CREB5: variants seen among roughly 807,000 people sequenced by gnomAD.
The protein encoded by CREB5 is cAMP responsive element binding protein 5.
In CREB5, 19 loss-of-function variants were observed where a neutral mutation model predicts 57.1. That is an observed-to-expected ratio of 0.33 (90% confidence interval 0.23 to 0.49). The LOEUF is 0.49. CREB5 is among the 20% of genes least tolerant of loss of function. The pLI, the probability that CREB5 is intolerant of heterozygous loss-of-function variation, is 0.99. For missense variants in CREB5, 579 were observed against 671.6 expected, an observed-to-expected ratio of 0.86 and a Z score of 1.52; for synonymous variants, 238 against 238.3, an observed-to-expected ratio of 1.00 and a Z score of 0.01.
intron 4 of CREB5, among the ~76,000 whole-genome samples, chr7:28,532,424 C>A (rs1793769345): frequency 6.6e-6 from 1 of 152,188 alleles, no homozygotes; most frequent in Non-Finnish European, 1.5e-5. Context: ...ATTTGTTATG[C>A]AGCAGCTGCA....
intron 1 of CREB5, among the ~76,000 whole-genome samples, chr7:28,384,356 T>C (rs1787034833): frequency 6.6e-6 from 1 of 152,182 alleles, no homozygotes; most frequent in African/African-American, 2.4e-5. Context: ...CAACTGTCTT[T>C]TGAATAGTGT....
At chr7:28,719,020 A>T in intron 6 of CREB5, 141 bp downstream of exon 6, 2 of 1,380,628 alleles carry the variant, frequency 1.4e-6, no homozygotes, top group African/African-American at 1.4e-5. Flanking sequence ...GCTGTGTGCA[A>T]TTTTGCTTTG....
chr7:28,762,387 G>A (rs565089109), intron 7 of CREB5, among the ~76,000 whole-genome samples: 10 of 152,246 alleles, frequency 6.6e-5, no homozygotes, highest in African/African-American at 2.2e-4. Context: ...TGGTGGTTTG[G>A]ATTTTCCAGC....
At chr7:28,710,871 G>A (rs1215947551) in intron 5 of CREB5, among the ~76,000 whole-genome samples, 2 of 152,256 alleles carry the variant, frequency 1.3e-5, no homozygotes, top group East Asian at 1.9e-4. Flanking sequence ...ATTGAATAGC[G>A]ATAAATGTTC....
At chr7:28,504,497 C>T (rs773510410) in intron 3 of CREB5, among the ~76,000 whole-genome samples, 39 of 152,280 alleles carry the variant, frequency 2.6e-4, no homozygotes, top group East Asian at 1.7e-3. Flanking sequence ...AAAGCCAAGA[C>T]GATTGTTTCA....
intron 1 of CREB5, among the ~76,000 whole-genome samples, chr7:28,307,518 A>C (rs1785211228): frequency 6.6e-6 from 1 of 152,172 alleles, no homozygotes; most frequent in Non-Finnish European, 1.5e-5. Flanking sequence ...ATAAGAAATA[A>C]ATTTCTGTTC....
chr7:28,463,154 C>G (rs1256821107), intron 1 of CREB5, among the ~76,000 whole-genome samples: 1 of 151,826 alleles, frequency 6.6e-6, no homozygotes, highest in Non-Finnish European at 1.5e-5. Flanking sequence ...TATGGGTACC[C>G]AGTTGTCTCG....
At chr7:28,617,111 C>G (rs1431851691) in intron 5 of CREB5, among the ~76,000 whole-genome samples, 1 of 152,192 alleles carries the variant, frequency 6.6e-6, no homozygotes, top group East Asian at 1.9e-4. Flanking sequence ...TACATGAGAG[C>G]TAAACTTGGA....
At chr7:28,344,751 T>C (rs991007920) in intron 1 of CREB5, among the ~76,000 whole-genome samples, 1 of 151,744 alleles carries the variant, frequency 6.6e-6, no homozygotes, top group Non-Finnish European at 1.5e-5. Context: ...TCCAATTGTA[T>C]GCTGATTATA....
chr7:28,588,652 C>T (rs1177947555), intron 5 of CREB5, among the ~76,000 whole-genome samples: 2 of 152,200 alleles, frequency 1.3e-5, no homozygotes, highest in African/African-American at 4.8e-5. Context: ...GATACACAAG[C>T]CTTAGAGCCT....
intron 1 of CREB5, among the ~76,000 whole-genome samples, chr7:28,453,992 C>T (rs1016454141): frequency 2.2e-5 from 3 of 139,152 alleles, no homozygotes; most frequent in Non-Finnish European, 3.0e-5. Flanking sequence ...CTCGCTCTGT[C>T]GCCCAGGCTG....
At chr7:28,413,614 G>T (rs42713) in intron 1 of CREB5, among the ~76,000 whole-genome samples, 2 of 152,122 alleles carry the variant, frequency 1.3e-5, no homozygotes, top group Admixed American at 1.3e-4. Context: ...TGCTGGTGCC[G>T]ATAAATTGCC....
At chr7:28,311,871 A>G (rs560135845) in intron 1 of CREB5, among the ~76,000 whole-genome samples, 46 of 150,970 alleles carry the variant, frequency 3.0e-4, no homozygotes, top group African/African-American at 1.1e-3. Flanking sequence ...TGCCGTCTGC[A>G]CTCCTCCCTC....
At position 28,657,976 on chromosome 7, in the gene CREB5, C is replaced by G. The variant is rs1799402320; in HGVS notation, c.465-60777C>G. Among the ~76,000 whole-genome samples, 6 of 152,300 alleles carry G rather than the reference C, an allele frequency of 3.9e-5. No homozygotes were observed. In the South Asian group the frequency reaches 1.2e-3, roughly 32 times the overall value. The stretch of plus-strand genomic sequence containing the variant: ...TGAACAAAATGATGAACTGCTGGTT[C>G]CATTTCTCGTCTGCTCACTGAGCAG... On this transcript the variant is annotated intron_variant, in intron 5 of 10. Coordinates refer to ENST00000357727, the MANE Select transcript of CREB5 (RefSeq NM_182898.4).
chr7:28,478,055 A>T (rs557814277), intron 1 of CREB5, among the ~76,000 whole-genome samples: 46 of 152,318 alleles, frequency 3.0e-4, no homozygotes, highest in African/African-American at 1.1e-3. Flanking sequence ...GTTTGAGGCC[A>T]CAGTGAGCTG....
At chr7:28,668,625 GT>G (rs1194245375) in intron 5 of CREB5, among the ~76,000 whole-genome samples, 2 of 152,166 alleles carry the variant, frequency 1.3e-5, no homozygotes, top group African/African-American at 4.8e-5. Flanking sequence ...AACAAAATGA[GT>G]TCACAAAGGG....
At chr7:28,747,751 G>A (rs1343013093) in intron 7 of CREB5, among the ~76,000 whole-genome samples, 5 of 152,166 alleles carry the variant, frequency 3.3e-5, no homozygotes, top group African/African-American at 7.2e-5. Flanking sequence ...ATGGCAAAGC[G>A]TATCCTGACC....
chr7:28,598,867 T>C (rs1394193511), intron 5 of CREB5, among the ~76,000 whole-genome samples: 4 of 152,294 alleles, frequency 2.6e-5, no homozygotes, highest in African/African-American at 7.2e-5. Flanking sequence ...TGTGCTGTGG[T>C]GTATTTTAAA....
chr7:28,394,784 C>T (rs1029897), intron 1 of CREB5, among the ~76,000 whole-genome samples: 63,817 of 152,018 alleles, frequency 0.42, 16,099 homozygotes, highest in African/African-American at 0.7. Context: ...GAACAATGTT[C>T]CTAAAAAGTT....
Sources: allele counts gnomAD v4.1 joint callset (sites outside exome capture counted in the v4.1 genomes callset), GRCh38; gene constraint gnomAD v4.1.1; transcripts MANE v1.5; gene names NCBI Gene and HGNC (gene_info 2026-07-23, HGNC 2026-07-21).